The following NXPH1 variants were observed in gnomAD, a reference collection of about 807,000 sequenced individuals.
NXPH1 encodes the protein neurexophilin 1, also known as neurexophilin-1.
NXPH1 carries 5 observed loss-of-function variants against 23.7 expected under a neutral mutation model. The ratio of observed to expected loss-of-function variants is 0.21; its 90% CI spans 0.11 to 0.44. NXPH1 has a LOEUF of 0.44. Among genes scored for constraint, NXPH1 ranks in the 20% least tolerant of loss-of-function variants. The pLI, the probability that NXPH1 is intolerant of heterozygous loss-of-function variation, is 0.99. For missense variants in NXPH1, 324 were observed against 321.6 expected, an observed-to-expected ratio of 1.01 and a Z score of -0.06; for synonymous variants, 144 against 122.2, an observed-to-expected ratio of 1.18 and a Z score of -1.18.
intron 2 of NXPH1, among the ~76,000 whole-genome samples, chr7:8,538,992 A>G (rs1818069797): frequency 6.6e-6 from 1 of 151,942 alleles, no homozygotes; most frequent in Admixed American, 6.6e-5. Context: ...AAATTCAGTG[A>G]TAATTCATGT....
chr7:8,651,114 C>G (rs755061445), intron 2 of NXPH1, among the ~76,000 whole-genome samples: 2 of 149,314 alleles, frequency 1.3e-5, no homozygotes, highest in African/African-American at 4.9e-5. Flanking sequence ...CAATGCTATC[C>G]CTCCCCACTC....
chr7:8,648,705 G>A (rs1327719848), intron 2 of NXPH1, among the ~76,000 whole-genome samples: 1 of 152,136 alleles, frequency 6.6e-6, no homozygotes, highest in Admixed American at 6.5e-5. Flanking sequence ...ATTCTTTGGA[G>A]CAGATCTCTG....
At chr7:8,532,123 C>T (rs1817957395) in intron 2 of NXPH1, among the ~76,000 whole-genome samples, 3 of 152,108 alleles carry the variant, frequency 2.0e-5, no homozygotes, top group African/African-American at 7.2e-5. Context: ...ACTTTACAAC[C>T]CGCTTTAGCT....
intron 2 of NXPH1, among the ~76,000 whole-genome samples, chr7:8,644,810 G>A (rs1820369730): frequency 6.6e-6 from 1 of 152,076 alleles, no homozygotes; most frequent in South Asian, 2.1e-4. Context: ...TCTCCAAGTG[G>A]TAACCACTCT....
intron 2 of NXPH1, among the ~76,000 whole-genome samples, chr7:8,545,005 G>C: frequency 6.6e-6 from 1 of 151,624 alleles, no homozygotes. Context: ...ACTCATCTTT[G>C]CTGCAGTACT....
At chr7:8,606,960 T>C (rs982367698) in intron 2 of NXPH1, among the ~76,000 whole-genome samples, 1 of 152,166 alleles carries the variant, frequency 6.6e-6, no homozygotes, top group Non-Finnish European at 1.5e-5. Flanking sequence ...GATTGCTTGA[T>C]TTCTGATGTT....
At chr7:8,530,490 A>G (rs1170020021) in intron 2 of NXPH1, among the ~76,000 whole-genome samples, 1 of 152,228 alleles carries the variant, frequency 6.6e-6, no homozygotes, top group Admixed American at 6.5e-5. Flanking sequence ...TCTGTGAACT[A>G]GACATCTAAG....
chr7:8,646,608 C>A (rs1169552884), intron 2 of NXPH1, among the ~76,000 whole-genome samples: 1 of 151,962 alleles, frequency 6.6e-6, no homozygotes, highest in East Asian at 1.9e-4. Context: ...CAAGCATTCT[C>A]TTCTATTCCT....
At chr7:8,651,363 G>A (rs1820490112) in intron 2 of NXPH1, among the ~76,000 whole-genome samples, 1 of 97,786 alleles carries the variant, frequency 1.0e-5, no homozygotes, top group Non-Finnish European at 2.2e-5. Context: ...TCTTAATCCA[G>A]TCTATCATTG....
chr7:8,579,374 TTG>T lies in NXPH1; in HGVS notation c.54+143609_54+143610del, dbSNP rs1256538597. ...TTCAAGTTTTTTTTGTTTTTTTTTT[TTG>T]TTTTGTTTTTCTGAGACAGAGTTTT... On this transcript the variant is annotated intron_variant, in intron 2 of 2. Coordinates refer to ENST00000405863, the MANE Select transcript of NXPH1 (RefSeq NM_152745.3). 7.9e-3 allele frequency among the ~76,000 whole-genome samples: 542 copies of T among 68,974 alleles called. 1 individual carries two copies. Among genetic ancestry groups the T allele is most frequent in the South Asian group, 0.02 (61 of 3,070 alleles). The allele number at this position is 68,974 out of a possible 152,430, so 45.2% of individuals were successfully genotyped here.
chr7:8,628,480 G>A (rs1461709431), intron 2 of NXPH1, among the ~76,000 whole-genome samples: 1 of 150,740 alleles, frequency 6.6e-6, no homozygotes, highest in African/African-American at 2.4e-5. Flanking sequence ...ACATTTAAGA[G>A]GAAAGTCAGG....
intron 2 of NXPH1, among the ~76,000 whole-genome samples, chr7:8,478,396 AT>A (rs1327193134): frequency 6.6e-6 from 1 of 152,124 alleles, no homozygotes; most frequent in Admixed American, 6.6e-5. Flanking sequence ...AATTTAAAAA[AT>A]ATCAGTTAAG....
chr7:8,556,423 G>A (rs147215235), intron 2 of NXPH1, among the ~76,000 whole-genome samples: 4 of 151,756 alleles, frequency 2.6e-5, no homozygotes, highest in East Asian at 2.0e-4. Flanking sequence ...AGTTGGTTCC[G>A]GTTGTCTACT....
chr7:8,527,689 T>C (rs1296595336), intron 2 of NXPH1, among the ~76,000 whole-genome samples: 2 of 152,202 alleles, frequency 1.3e-5, no homozygotes, highest in Non-Finnish European at 2.9e-5. Flanking sequence ...AATGAACTTG[T>C]TGAAATTAGC....
At chr7:8,581,402 G>A (rs1163876587) in intron 2 of NXPH1, among the ~76,000 whole-genome samples, 1 of 152,128 alleles carries the variant, frequency 6.6e-6, no homozygotes, top group Non-Finnish European at 1.5e-5. Flanking sequence ...AAGCAAAGGG[G>A]AAGCAGGCAC....
intron 2 of NXPH1, among the ~76,000 whole-genome samples, chr7:8,504,550 C>T (rs1817490561): frequency 6.6e-6 from 1 of 152,024 alleles, no homozygotes; most frequent in African/African-American, 2.4e-5. Context: ...ATCTCTTAGT[C>T]ATGGCTGGGA....
chr7:8,527,130 A>G, intron 2 of NXPH1, among the ~76,000 whole-genome samples: 1 of 152,166 alleles, frequency 6.6e-6, no homozygotes, highest in Non-Finnish European at 1.5e-5. Flanking sequence ...CTCTCTCATT[A>G]GTGGCCAAAG....
At chr7:8,438,248 A>C (rs756765331) in intron 2 of NXPH1, among the ~76,000 whole-genome samples, 1 of 152,206 alleles carries the variant, frequency 6.6e-6, no homozygotes, top group South Asian at 2.1e-4. Flanking sequence ...TTCTTCATCT[A>C]TTTCATTAAA....
intron 2 of NXPH1, among the ~76,000 whole-genome samples, chr7:8,521,152 A>T (rs2128615663): frequency 6.6e-6 from 1 of 152,224 alleles, no homozygotes; most frequent in East Asian, 1.9e-4. Flanking sequence ...CAGAATCCTG[A>T]AGATGGATAT....
Sources: gnomAD v4.1 joint callset for allele counts (sites outside exome capture counted in the v4.1 genomes callset) on GRCh38, gnomAD v4.1.1 for gene constraint, MANE v1.5 for transcripts, NCBI Gene and HGNC (gene_info 2026-07-23, HGNC 2026-07-21) for gene names.